PPP1R16A: variants seen among roughly 807,000 people sequenced by gnomAD.
PPP1R16A encodes protein phosphatase 1 regulatory subunit 16A, also known as myosin phosphatase-targeting subunit 3.
Under a neutral mutation model 46.6 loss-of-function variants are expected in PPP1R16A, and 39 were observed. The observed-to-expected ratio is 0.84, with a 90% CI of 0.65 to 1.09. The LOEUF (loss-of-function observed/expected upper bound fraction) is 1.09. Among genes scored for constraint, PPP1R16A ranks in the 50% least tolerant of loss-of-function variants. The pLI, the probability that PPP1R16A is intolerant of heterozygous loss-of-function variation, is 0.00. For synonymous variants in PPP1R16A, 413 were observed against 321.5 expected, an observed-to-expected ratio of 1.28 and a Z score of -3.04; for missense variants, 798 against 735.6, an observed-to-expected ratio of 1.08 and a Z score of -0.98.
chr8:144,487,542 T>A (rs1825665048), intron 1 of PPP1R16A, among the ~76,000 whole-genome samples: 1 of 152,188 alleles, frequency 6.6e-6, no homozygotes, highest in Non-Finnish European at 1.5e-5. Flanking sequence ...GCTAATTTTT[T>A]AAATTTTGTA....
rs545961882 is a variant in PPP1R16A at position 144,492,533 on chromosome 8, T to C, written c.-735+2321T>C. The stretch of plus-strand genomic sequence containing the variant: ...TGTATTTTTAGTAGAGATGGGGTTT[T>C]ACCTTGTTAGCAAGGATGGTCTCGA... On this transcript the variant is annotated intron_variant, in intron 2 of 11. Coordinates refer to ENST00000435887, the MANE Select transcript of PPP1R16A (RefSeq NM_001329443.2). 6.5e-3 allele frequency among the ~76,000 whole-genome samples: 983 copies of C among 152,082 alleles called. 6 individuals carry two copies. Among genetic ancestry groups the C allele is most frequent in the African/African-American group, 0.022 (928 of 41,492 alleles).
At position 144,500,501 on chromosome 8, in the gene PPP1R16A, C is replaced by T. The variant is rs763916421; in HGVS notation, c.720C>T (p.Ala240=). ...CTTGCCTGCAGCTGCACGTCGCAGC[C>T]GCCAACGGGTTCAGCGAGGCGGCTG... is the stretch of plus-strand genomic sequence containing the variant. ...DHGATLLHVA[A]ANGFSEAAAL... Residue 240 remains alanine (A), a synonymous_variant, in exon 8 of 12, where the codon GCC becomes GCT. Coordinates refer to ENST00000435887, the MANE Select transcript of PPP1R16A (RefSeq NM_001329443.2). 1 of 1,586,670 alleles carries T rather than the reference C, an allele frequency of 6.3e-7. No individual in the cohort carries two copies. The highest frequency in any genetic ancestry group is 2.3e-5 in the East Asian group (1 of 44,352).
intron 2 of PPP1R16A, among the ~76,000 whole-genome samples, chr8:144,494,823 G>GGGA (rs1825978705): frequency 6.6e-6 from 1 of 152,180 alleles, no homozygotes; most frequent in South Asian, 2.1e-4. Flanking sequence ...GTGGCTGGCA[G>GGGA]GGAGGGAGGG....
chr8:144,498,480 T>G, intron 3 of PPP1R16A: 10 of 432,518 alleles, frequency 2.3e-5, no homozygotes, highest in Non-Finnish European at 2.5e-5. Flanking sequence ...AGGTGTGGGA[T>G]TGTTGGAGTG....
chr8:144,485,541 T>C (rs1048114906), intron 1 of PPP1R16A, among the ~76,000 whole-genome samples: 4 of 145,550 alleles, frequency 2.7e-5, no homozygotes, highest in Non-Finnish European at 4.5e-5. Flanking sequence ...AAAAAAACAA[T>C]AGATAAAGAA....
intron 1 of PPP1R16A, among the ~76,000 whole-genome samples, chr8:144,480,537 A>G (rs1825369177): frequency 1.3e-5 from 2 of 150,628 alleles, no homozygotes; most frequent in Admixed American, 1.3e-4. Flanking sequence ...GCCAGGCTGC[A>G]GTGCAGTGGT....
At chr8:144,499,378 G>A (rs1011555385) in intron 5 of PPP1R16A, 4 of 379,706 alleles carry the variant, frequency 1.1e-5, no homozygotes, top group Admixed American at 4.2e-5. Context: ...GAGGGAAGCA[G>A]AGTGAGGAGG....
rs539450621 is a variant in PPP1R16A, at chr8:144,493,536, C to G, written c.-734-2925C>G. On this transcript the variant is annotated intron_variant, in intron 2 of 11. Transcript: ENST00000435887. This position sits in a 1 kb window ranked among gnomAD's most constrained non-coding sequence, Gnocchi z 4.3. The stretch of plus-strand genomic sequence containing the variant: ...GCTTCCACTAGAAGTTCTGCTAGGG[C>G]AGCCAAGGTTCAGGTAGGAGGGAGG... Among the ~76,000 whole-genome samples the G allele has an allele frequency of 6.6e-6, 1 of 152,304 alleles. No homozygotes were observed. The highest frequency in any genetic ancestry group is 2.1e-4 in the South Asian group (1 of 4,830).
At position 144,498,718 on chromosome 8, in the gene PPP1R16A, C is replaced by G. The variant is rs772065091; in HGVS notation, c.260-52C>G. ...GGGTCCTGGGCCGAAGCACAGTTGA[C>G]AGGACCTGACCAGGGGCAGGACCCT... On this transcript the variant is annotated intron_variant, in intron 3 of 11. Coordinates refer to ENST00000435887, the MANE Select transcript of PPP1R16A (RefSeq NM_001329443.2). The G allele has an allele frequency of 7.9e-6, 12 of 1,516,736 alleles. No individual in the cohort carries two copies. In the South Asian group the frequency reaches 1.6e-4, roughly 20 times the overall value. 94.0% of individuals were successfully genotyped at this position (1,516,736 alleles called of 1,614,324 possible).
chr8:144,498,564 G>A, intron 3 of PPP1R16A: 1 of 555,260 alleles, frequency 1.8e-6, no homozygotes, highest in Non-Finnish European at 3.2e-6. Context: ...GCCTGCAGGT[G>A]GGTGGAGGCA....
At chr8:144,482,072 G>GGCTGCCGCCGCC (rs1825453770) in intron 1 of PPP1R16A, among the ~76,000 whole-genome samples, 1 of 132,916 alleles carries the variant, frequency 7.5e-6, no homozygotes, top group African/African-American at 2.5e-5. Context: ...CACTGTGCCC[G>GGCTGCCGCCGCC]GCTGCCGCCG....
At position 144,493,591 on chromosome 8, in the gene PPP1R16A, C is replaced by G. The variant is rs957943897; in HGVS notation, c.-734-2870C>G. 6.6e-6 allele frequency among the ~76,000 whole-genome samples: 1 copy of G among 152,186 alleles called. No homozygotes were observed. The highest frequency in any genetic ancestry group is 1.5e-5 in the Non-Finnish European group (1 of 68,012). ...CTTTCCTTCTGGAGCCCTCAGCCCACTGCCGTGGGCCTTCGGCTGGCTGCT... is the reference window on the plus strand; with the variant it reads ...CTTTCCTTCTGGAGCCCTCAGCCCAGTGCCGTGGGCCTTCGGCTGGCTGCT... On this transcript the variant is annotated intron_variant, in intron 2 of 11. Transcript: ENST00000435887. This position sits in a 1 kb window ranked among gnomAD's most constrained non-coding sequence, Gnocchi z 4.3.
In PPP1R16A at chr8:144,500,895, C is replaced by G; in HGVS notation, c.961C>G (p.His321Asp). Residue 321 changes from histidine (H) to aspartate (D), a missense_variant, in exon 10 of 12, where the codon CAC becomes GAC. Physicochemically the swap from His to Asp is moderately conservative, Grantham distance 81. Transcript: ENST00000435887. The part of the protein sequence containing the change: ...RAKLLELKHK[H>D]DALLRAQSRQ... ...CAAGCTGCTGGAGCTGAAGCACAAG[C>G]ACGACGCCCTCCTGCGCGCCCAGAG... 6.5e-7 allele frequency: 1 copy of G among 1,546,624 alleles called. No homozygotes were observed. The highest frequency in any genetic ancestry group is 8.7e-7 in the Non-Finnish European group (1 of 1,148,252).
chr8:144,501,603 C>A lies in PPP1R16A; in HGVS notation c.1287C>A (p.Asp429Glu), dbSNP rs995986185. 1.2e-6 allele frequency: 2 copies of A among 1,608,650 alleles called. No individual in the cohort carries two copies. The highest frequency in any genetic ancestry group is 1.7e-6 in the Non-Finnish European group (2 of 1,178,086). ...PVRHLYSKRL[D>E]RSVSYQLSPL... ...GGCATCTATACTCCAAGCGACTAGA[C>A]CGGAGTGTCTCCTACCAGCTGAGCC... The change falls in exon 12 of 12, where the codon GAC becomes GAA. Residue 429 changes from aspartate (D) to glutamate (E), a missense_variant. Asp to Glu is a conservative substitution (Grantham distance 45). Transcript: ENST00000435887.
intron 1 of PPP1R16A, among the ~76,000 whole-genome samples, chr8:144,482,033 C>T (rs181997046): frequency 4.0e-3 from 610 of 152,260 alleles, no homozygotes; most frequent in African/African-American, 0.014. Context: ...GCCTTGGCCT[C>T]CCAAAGTGCT....
In PPP1R16A at chr8:144,501,731, C is replaced by G; in HGVS notation, c.1415C>G (p.Pro472Arg). The change falls in exon 12 of 12, where the codon CCA (proline) becomes CGA (arginine). Residue 472 changes from proline (P) to arginine (R), a missense_variant. Coordinates refer to ENST00000435887, the MANE Select transcript of PPP1R16A (RefSeq NM_001329443.2). ...QRAAAKLQRP[P>R]PEGPESPETA... Reference sequence around the variant, plus strand: ...GCTGCTGCCAAGCTGCAGCGACCCCCACCTGAGGGGCCCGAGAGCCCTGAG... The same window carrying G: ...GCTGCTGCCAAGCTGCAGCGACCCCGACCTGAGGGGCCCGAGAGCCCTGAG... 2 of 1,585,376 alleles carry G rather than the reference C, an allele frequency of 1.3e-6. No individual in the cohort carries two copies. Among genetic ancestry groups the G allele is most frequent in the Non-Finnish European group, 1.7e-6 (2 of 1,166,948 alleles).
In PPP1R16A at chr8:144,501,236, C is replaced by G. The variant is rs758243896; in HGVS notation, c.1145C>G (p.Pro382Arg). The change falls in exon 11 of 12, where the codon CCG (proline) becomes CGG (arginine). Residue 382 changes from proline (P) to arginine (R), a missense_variant. Physicochemically the swap from Pro to Arg is moderately radical, Grantham distance 103 (BLOSUM62 -2). Coordinates refer to ENST00000435887, the MANE Select transcript of PPP1R16A (RefSeq NM_001329443.2). ...CAGCCGCCGCCCACCAGCCCGGAGCCGCCCGAGGACAACGATGACCGCCAG... is the reference window on the plus strand; with the variant it reads ...CAGCCGCCGCCCACCAGCCCGGAGCGGCCCGAGGACAACGATGACCGCCAG... ...WQQPPPTSPEPPEDNDDRQTG... is the reference protein window; with the variant it reads ...WQQPPPTSPERPEDNDDRQTG... The G allele has an allele frequency of 3.7e-6, 6 of 1,605,924 alleles. No individual in the cohort carries two copies. Among genetic ancestry groups the G allele is most frequent in the Non-Finnish European group, 5.1e-6 (6 of 1,179,130 alleles).
At chr8:144,494,971 G>A (rs188888764) in intron 2 of PPP1R16A, among the ~76,000 whole-genome samples, 1,717 of 152,308 alleles carry the variant, frequency 0.011, 31 homozygotes, top group South Asian at 0.018. Context: ...TTGGGAGCCT[G>A]GGCAGGGTGT....
chr8:144,485,461 T>C (rs1384512967), intron 1 of PPP1R16A, among the ~76,000 whole-genome samples: 1 of 151,376 alleles, frequency 6.6e-6, no homozygotes, highest in Non-Finnish European at 1.5e-5. Context: ...GAGGTAGAGC[T>C]TGCAGTGAGC....
Sources: gnomAD v4.1 joint callset for allele counts (sites outside exome capture counted in the v4.1 genomes callset) on GRCh38, gnomAD v4.1.1 for gene constraint, Gnocchi (gnomAD v3.1) non-coding constraint, MANE v1.5 for transcripts, NCBI Gene and HGNC (gene_info 2026-07-23, HGNC 2026-07-21) for gene names.